The following ROBO1 variants were observed in gnomAD, a reference collection of about 807,000 sequenced individuals.
The protein encoded by ROBO1 is roundabout homolog 1.
ROBO1 carries 149 observed loss-of-function variants against 195.9 expected under a neutral mutation model. That is an observed-to-expected ratio of 0.76 (90% confidence interval 0.67 to 0.87). The LOEUF is 0.87. ROBO1 is among the 40% of genes least tolerant of loss of function. The pLI is 0.00. For synonymous variants in ROBO1, 816 were observed against 733.2 expected (o/e 1.11, Z -1.82); for missense variants, 1,933 against 2,068.3 (o/e 0.93, Z 1.27).
chr3:79,623,456 T>A (rs6548632), intron 1 of ROBO1, among the ~76,000 whole-genome samples: 2 of 152,192 alleles, frequency 1.3e-5, no homozygotes, highest in Non-Finnish European at 2.9e-5. Context: ...ATTGATAAAA[T>A]GTTAGAGGAA....
chr3:79,278,482 G>A (rs1210619044), intron 2 of ROBO1, among the ~76,000 whole-genome samples: 1 of 152,148 alleles, frequency 6.6e-6, no homozygotes, highest in Non-Finnish European at 1.5e-5. Context: ...AATGCTGCAT[G>A]GAAACAGAGA....
chr3:79,524,711 C>T (rs73114860), intron 2 of ROBO1, among the ~76,000 whole-genome samples: 1 of 152,092 alleles, frequency 6.6e-6, no homozygotes, highest in Non-Finnish European at 1.5e-5. Context: ...TTTGTATCTC[C>T]CATGCCAGAC....
chr3:79,153,242 C>A (rs1055066599), intron 2 of ROBO1, among the ~76,000 whole-genome samples: 2 of 151,670 alleles, frequency 1.3e-5, no homozygotes, highest in African/African-American at 4.8e-5. Context: ...CACCAAGTAG[C>A]TAAGGCTTAG....
At chr3:78,716,760 C>T (rs2081912612) in intron 7 of ROBO1, among the ~76,000 whole-genome samples, 1 of 152,108 alleles carries the variant, frequency 6.6e-6, no homozygotes, top group Non-Finnish European at 1.5e-5. Flanking sequence ...TACCCGAAAG[C>T]CTTTATTTGA....
At chr3:78,834,475 A>C (rs1484574147) in intron 4 of ROBO1, among the ~76,000 whole-genome samples, 1 of 150,214 alleles carries the variant, frequency 6.7e-6, no homozygotes, top group Non-Finnish European at 1.5e-5. Context: ...AAAAGACAGC[A>C]ATAAAGTGAG....
intron 2 of ROBO1, among the ~76,000 whole-genome samples, chr3:79,395,413 T>G (rs2037121794): frequency 6.6e-6 from 1 of 151,726 alleles, no homozygotes; most frequent in Admixed American, 6.6e-5. Context: ...CTCTTTGAAG[T>G]CTTGGCATCC....
At chr3:78,627,845 C>A (rs192983955) in intron 25 of ROBO1, among the ~76,000 whole-genome samples, 1 of 152,088 alleles carries the variant, frequency 6.6e-6, no homozygotes, top group African/African-American at 2.4e-5. Flanking sequence ...TTTAGTACAG[C>A]CCAAATGTAT....
At chr3:79,536,017 T>C (rs1941847301) in intron 2 of ROBO1, among the ~76,000 whole-genome samples, 1 of 152,132 alleles carries the variant, frequency 6.6e-6, no homozygotes, top group Non-Finnish European at 1.5e-5. Context: ...CTATTAACAA[T>C]ACATCTTGGA....
intron 2 of ROBO1, among the ~76,000 whole-genome samples, chr3:79,248,142 G>A (rs1420268684): frequency 6.6e-6 from 1 of 152,052 alleles, no homozygotes; most frequent in African/African-American, 2.4e-5. Flanking sequence ...ATTGTCATCA[G>A]CTTCCAGCTT....
chr3:79,092,351 T>G (rs2079493574), intron 3 of ROBO1, among the ~76,000 whole-genome samples: 1 of 152,032 alleles, frequency 6.6e-6, no homozygotes, highest in African/African-American at 2.4e-5. Flanking sequence ...TTACTAGATG[T>G]TTAATTTTGA....
chr3:78,798,096 C>T (rs751762009), intron 4 of ROBO1, among the ~76,000 whole-genome samples: 40 of 152,122 alleles, frequency 2.6e-4, no homozygotes, highest in Non-Finnish European at 4.3e-4. Flanking sequence ...AGAAAACACA[C>T]TATAAAGTTC....
chr3:79,744,311 A>T (rs897677839), intron 1 of ROBO1, among the ~76,000 whole-genome samples: 1 of 152,164 alleles, frequency 6.6e-6, no homozygotes, highest in Non-Finnish European at 1.5e-5. Flanking sequence ...ATAAATATGT[A>T]TTTAGGAGTT....
At chr3:79,119,434 C>T (rs978579224) in intron 3 of ROBO1, among the ~76,000 whole-genome samples, 8 of 152,086 alleles carry the variant, frequency 5.3e-5, no homozygotes, top group East Asian at 1.9e-4. Flanking sequence ...ATTTAACCCA[C>T]GATGCTAATT....
intron 1 of ROBO1, among the ~76,000 whole-genome samples, chr3:79,610,406 T>C (rs1023012620): frequency 6.6e-6 from 1 of 151,972 alleles, no homozygotes; most frequent in Non-Finnish European, 1.5e-5. Flanking sequence ...AATTATCTTA[T>C]TGTACTGTTC....
intron 2 of ROBO1, among the ~76,000 whole-genome samples, chr3:79,149,119 A>C (rs1240207887): frequency 6.6e-6 from 1 of 151,900 alleles, no homozygotes; most frequent in Non-Finnish European, 1.5e-5. Flanking sequence ...TAAATATTAT[A>C]AATCAGGGCC....
At chr3:79,599,924 T>G (rs1444106920) in intron 1 of ROBO1, among the ~76,000 whole-genome samples, 4 of 151,946 alleles carry the variant, frequency 2.6e-5, no homozygotes, top group Non-Finnish European at 5.9e-5. Flanking sequence ...ATTTTATAGC[T>G]AAAATTAAAA....
chr3:78,885,050 A>G (rs990665397), intron 4 of ROBO1, among the ~76,000 whole-genome samples: 2 of 152,086 alleles, frequency 1.3e-5, no homozygotes, highest in Admixed American at 6.6e-5. Context: ...ATCATTAAGA[A>G]TTCTGAGCAT....
At chr3:78,803,851 T>C (rs1310981323) in intron 4 of ROBO1, among the ~76,000 whole-genome samples, 2 of 152,112 alleles carry the variant, frequency 1.3e-5, no homozygotes, top group East Asian at 3.9e-4. Flanking sequence ...ACAACAAAAC[T>C]ATTGGCACCA....
At chr3:79,355,256 T>C (rs538457028) in intron 2 of ROBO1, among the ~76,000 whole-genome samples, 1 of 152,126 alleles carries the variant, frequency 6.6e-6, no homozygotes, top group South Asian at 2.1e-4. Context: ...TTATCAGAGG[T>C]TAAATTTTAT....
Sources: gnomAD v4.1 joint callset for allele counts (sites outside exome capture counted in the v4.1 genomes callset) on GRCh38, gnomAD v4.1.1 for gene constraint, MANE v1.5 for transcripts, NCBI Gene and HGNC (gene_info 2026-07-23, HGNC 2026-07-21) for gene names.